Variants in CPQ observed in about 807,000 individuals in gnomAD.
The protein encoded by CPQ is carboxypeptidase Q.
Under a neutral mutation model 45.7 loss-of-function variants are expected in CPQ, and 37 were observed. The ratio of observed to expected loss-of-function variants is 0.81; its 90% CI spans 0.62 to 1.07. The LOEUF is 1.07. Ranked by LOEUF, CPQ falls within the 50% of genes least tolerant of loss-of-function variation. The pLI is 0.00. For missense variants in CPQ, 537 were observed against 572.9 expected (o/e 0.94, Z 0.64); for synonymous variants, 186 against 205.8 (o/e 0.90, Z 0.82).
At chr8:97,011,945 G>A (rs373808190) in intron 5 of CPQ, among the ~76,000 whole-genome samples, 207 of 151,890 alleles carry the variant, frequency 1.4e-3, no homozygotes, top group Non-Finnish European at 2.4e-3. Flanking sequence ...CAGTGTGCGC[G>A]CTCTCTCTCT....
At chr8:96,955,062 C>A (rs1467945196) in intron 4 of CPQ, among the ~76,000 whole-genome samples, 1 of 152,078 alleles carries the variant, frequency 6.6e-6, no homozygotes. Flanking sequence ...AAACATACAT[C>A]TACATGTGTC....
At chr8:96,883,386 C>T (rs914837743) in intron 4 of CPQ, among the ~76,000 whole-genome samples, 4 of 152,120 alleles carry the variant, frequency 2.6e-5, no homozygotes, top group Non-Finnish European at 5.9e-5. Context: ...CACCTTCTCC[C>T]AGAAGGTAGA....
intron 4 of CPQ, among the ~76,000 whole-genome samples, chr8:96,908,605 T>A (rs1413369133): frequency 2.0e-5 from 3 of 152,118 alleles, no homozygotes; most frequent in Admixed American, 2.0e-4. Context: ...GGAAGCTGAT[T>A]ACCAAAGACA....
At chr8:97,046,846 A>G (rs987426867) in intron 6 of CPQ, among the ~76,000 whole-genome samples, 1 of 152,220 alleles carries the variant, frequency 6.6e-6, no homozygotes, top group African/African-American at 2.4e-5. Flanking sequence ...GAGGCAATCA[A>G]ACTGTTTTGT....
At chr8:96,790,071 C>A (rs912415148) in intron 2 of CPQ, among the ~76,000 whole-genome samples, 2 of 152,096 alleles carry the variant, frequency 1.3e-5, no homozygotes, top group Admixed American at 6.6e-5. Flanking sequence ...GCTACCAGCA[C>A]CCCCTTAATT....
At chr8:96,741,396 T>C (rs973775350) in intron 1 of CPQ, among the ~76,000 whole-genome samples, 1 of 152,210 alleles carries the variant, frequency 6.6e-6, no homozygotes, top group Non-Finnish European at 1.5e-5. Context: ...TAGCGGTCTA[T>C]CAATTTTGTT....
At position 96,850,574 on chromosome 8, in the gene CPQ, TTTTATTTTATTTTATTTA is replaced by T. The variant is rs1230269521; in HGVS notation, c.641+15402_641+15419del. Among the ~76,000 whole-genome samples, 166 of 145,972 alleles carry T rather than the reference TTTTATTTTATTTTATTTA, an allele frequency of 1.1e-3. 1 individual carries two copies. Among genetic ancestry groups the T allele is most frequent in the Admixed American group, 2.0e-3 (29 of 14,630 alleles). On this transcript the variant is annotated intron_variant, in intron 3 of 7. Coordinates refer to ENST00000220763, the MANE Select transcript of CPQ (RefSeq NM_016134.4). Reference sequence around the variant, plus strand: ...TACACTGATTTTTATTTTTATTTTATTTTATTTTATTTTATTTATTTATTTATTTATTTATTTATTTAT... The same window carrying T: ...TACACTGATTTTTATTTTTATTTTATTTTATTTATTTATTTATTTATTTAT...
chr8:96,835,025 G>A lies in CPQ; in HGVS notation c.486G>A (p.Arg162=). The change falls in exon 3 of 8, where the codon AGG becomes AGA. Residue 162 remains arginine (R), a synonymous_variant. Coordinates refer to ENST00000220763, the MANE Select transcript of CPQ (RefSeq NM_016134.4). ...CCTCTTTCGATGAACTGCAGAGAAG[G>A]GCCTCAGAAGCAAGAGGGAAGATTG... ...VVTSFDELQR[R]ASEARGKIVV... is the part of the protein sequence containing the mutation. The A allele has an allele frequency of 6.2e-7, 1 of 1,613,688 alleles. No individual in the cohort carries two copies. Among genetic ancestry groups the A allele is most frequent in the Non-Finnish European group, 8.5e-7 (1 of 1,179,796 alleles).
At chr8:96,788,334 A>G (rs1252097574) in intron 2 of CPQ, among the ~76,000 whole-genome samples, 2 of 151,452 alleles carry the variant, frequency 1.3e-5, no homozygotes, top group Non-Finnish European at 2.9e-5. Context: ...AATTTTTTGT[A>G]TTTTTAGTAG....
At chr8:96,812,025 T>C (rs1222174170) in intron 2 of CPQ, among the ~76,000 whole-genome samples, 1 of 152,224 alleles carries the variant, frequency 6.6e-6, no homozygotes, top group African/African-American at 2.4e-5. Context: ...TCTTTGTGGA[T>C]TATTTTCACA....
chr8:97,121,891 G>T (rs1796892212), intron 7 of CPQ, among the ~76,000 whole-genome samples: 1 of 152,054 alleles, frequency 6.6e-6, no homozygotes, highest in African/African-American at 2.4e-5. Flanking sequence ...CTCAACAGTA[G>T]ATTAGATACT....
At chr8:96,892,281 A>G (rs954610159) in intron 4 of CPQ, among the ~76,000 whole-genome samples, 15 of 152,244 alleles carry the variant, frequency 9.9e-5, no homozygotes, top group African/African-American at 3.6e-4. Flanking sequence ...CTCATTCCAT[A>G]CATAACTGAA....
chr8:96,733,459 C>T (rs1563482373), intron 1 of CPQ, among the ~76,000 whole-genome samples: 1 of 152,112 alleles, frequency 6.6e-6, no homozygotes, highest in Non-Finnish European at 1.5e-5. Flanking sequence ...TCTTTATTTT[C>T]CCTTTTCCAG....
At chr8:96,748,602 G>C (rs1182671718) in intron 1 of CPQ, among the ~76,000 whole-genome samples, 2 of 151,720 alleles carry the variant, frequency 1.3e-5, no homozygotes, top group Non-Finnish European at 2.9e-5. Context: ...GGCTCTCTCT[G>C]AGTTTTTTAC....
At chr8:96,948,935 T>A (rs1813224935) in intron 4 of CPQ, among the ~76,000 whole-genome samples, 1 of 152,156 alleles carries the variant, frequency 6.6e-6, no homozygotes, top group Non-Finnish European at 1.5e-5. Context: ...ACTTAGAGTA[T>A]GTTTTGTCTA....
chr8:96,812,768 A>G (rs970124085), intron 2 of CPQ, among the ~76,000 whole-genome samples: 2 of 152,028 alleles, frequency 1.3e-5, no homozygotes, highest in Admixed American at 6.6e-5. Flanking sequence ...CTAAGAGACA[A>G]GCAAATAAGA....
chr8:96,940,864 G>A (rs59722229), intron 4 of CPQ, among the ~76,000 whole-genome samples: 1 of 151,982 alleles, frequency 6.6e-6, no homozygotes, highest in African/African-American at 2.4e-5. Flanking sequence ...ATGCCTTCAG[G>A]AGACATTAAA....
chr8:97,029,588 G>T lies in CPQ; in HGVS notation c.1053+94G>T, dbSNP rs112017386. The stretch of plus-strand genomic sequence containing the variant: ...TTTAAGACTTCAATAATACTTTCTG[G>T]TCAACTGGCCCTAGGAAACACCCTT... On this transcript the variant is annotated intron_variant, in intron 6 of 7. Transcript: ENST00000220763. 1,125 of 1,163,408 alleles carry T rather than the reference G, an allele frequency of 9.7e-4. 7 individuals are homozygous for T. The African/African-American group carries it at 0.015, about 16-fold the overall frequency. The allele number at this position is 1,163,408 out of a possible 1,614,324, so 72.1% of individuals were successfully genotyped here.
chr8:97,061,547 T>A (rs2130521521), intron 6 of CPQ, among the ~76,000 whole-genome samples: 1 of 152,168 alleles, frequency 6.6e-6, no homozygotes, highest in Admixed American at 6.5e-5. Flanking sequence ...TAGGTAACCG[T>A]GGGAAAGTTA....
Sources: gnomAD v4.1 joint callset for allele counts (sites outside exome capture counted in the v4.1 genomes callset) on GRCh38, gnomAD v4.1.1 for gene constraint, MANE v1.5 for transcripts, NCBI Gene and HGNC (gene_info 2026-07-23, HGNC 2026-07-21) for gene names.